ZNF91: variants seen among roughly 807,000 people sequenced by gnomAD.
ZNF91 encodes the protein zinc finger protein 91.
ZNF91 carries 7 observed loss-of-function variants against 12.6 expected under a neutral mutation model. The observed-to-expected ratio is 0.55, with a 90% CI of 0.31 to 1.04. The LOEUF is 1.04. Among genes scored for constraint, ZNF91 ranks in the 50% least tolerant of loss-of-function variants. The probability of loss-of-function intolerance (pLI) is 0.05; values close to 1 mark genes in which losing one functional copy is unlikely to be tolerated. For missense variants in ZNF91, 1,217 were observed against 1,385.4 expected, an observed-to-expected ratio of 0.88 and a Z score of 1.93; for synonymous variants, 453 against 462.6, an observed-to-expected ratio of 0.98 and a Z score of 0.27.
At chr19:23,342,353 T>C in intron 3 of ZNF91, 1 of 344,034 alleles carries the variant, frequency 2.9e-6, no homozygotes, top group South Asian at 1.5e-4. Flanking sequence ...GAGAATATTA[T>C]GAAAGATTCT....
At chr19:23,348,460 C>T (rs1443068421) in intron 3 of ZNF91, among the ~76,000 whole-genome samples, 1 of 152,196 alleles carries the variant, frequency 6.6e-6, no homozygotes, top group Non-Finnish European at 1.5e-5. Context: ...ACATTTATCA[C>T]TTCCCCAATC....
At chr19:23,344,010 A>T (rs1330240603) in intron 3 of ZNF91, among the ~76,000 whole-genome samples, 1 of 152,200 alleles carries the variant, frequency 6.6e-6, no homozygotes, top group Non-Finnish European at 1.5e-5. Context: ...AATAAAATGG[A>T]CAGATTGGCA....
At chr19:23,386,089 T>C (rs950049262) in intron 1 of ZNF91, among the ~76,000 whole-genome samples, 1 of 151,928 alleles carries the variant, frequency 6.6e-6, no homozygotes, top group African/African-American at 2.4e-5. Context: ...TAATAAAATA[T>C]CTAAGAATAC....
At chr19:23,308,127 T>G (rs1315071960) in intron 2 of ZNF91, 2 of 152,196 alleles carry the variant, frequency 1.3e-5, no homozygotes, top group Non-Finnish European at 2.9e-5. Flanking sequence ...TTTTTTTGCC[T>G]GGGCCCTGCA....
At position 23,352,478 on chromosome 19, in the gene ZNF91, CA is replaced by C. The variant is rs1211573432; in HGVS notation, c.254-13425del. ...CAACCTGGTAGTGGTAGACAAAGAA[CA>C]TATAATCTTGGGAGTCACACCACTG... On this transcript the variant is annotated intron_variant, in intron 3 of 3. Coordinates refer to the ZNF91 transcript ENST00000599743. Among the ~76,000 whole-genome samples the C allele has an allele frequency of 4.0e-3, 613 of 152,168 alleles. 9 individuals carry two copies. The highest frequency in any genetic ancestry group is 0.014 in the African/African-American group (589 of 41,524).
At chr19:23,330,647 T>C (rs1967912688) in intron 1 of ZNF91, among the ~76,000 whole-genome samples, 1 of 152,074 alleles carries the variant, frequency 6.6e-6, no homozygotes, top group Admixed American at 6.5e-5. Flanking sequence ...ATGGACACCA[T>C]GCTTTATTCC....
chr19:23,392,266 A>T (rs1020574826), intron 1 of ZNF91, among the ~76,000 whole-genome samples: 1 of 151,390 alleles, frequency 6.6e-6, no homozygotes, highest in African/African-American at 2.4e-5. Flanking sequence ...CGTTGTGGCA[A>T]GCGCCTGTAA....
intron 1 of ZNF91, among the ~76,000 whole-genome samples, chr19:23,379,173 T>A (rs1036757433): frequency 9.2e-5 from 14 of 152,170 alleles, no homozygotes; most frequent in African/African-American, 3.4e-4. Flanking sequence ...CAAGAGAGAC[T>A]CAGGCTGATT....
intron 3 of ZNF91, chr19:23,340,098 T>G (rs1968091569): frequency 6.6e-6 from 1 of 151,786 alleles, no homozygotes; most frequent in South Asian, 2.1e-4. Flanking sequence ...AATAGAAAGC[T>G]TACATATTAA....
chr19:23,316,957 C>T (rs1967573388), intron 1 of ZNF91, among the ~76,000 whole-genome samples: 1 of 152,146 alleles, frequency 6.6e-6, no homozygotes, highest in Admixed American at 6.5e-5. Flanking sequence ...TCGACACAGA[C>T]CACAGCTGGA....
At chr19:23,314,442 A>T (rs1306089210), upstream of ZNF91, among the ~76,000 whole-genome samples, 5 of 152,140 alleles carry the variant, frequency 3.3e-5, no homozygotes, top group Non-Finnish European at 7.3e-5. Flanking sequence ...CATAAAGACA[A>T]GAGATACACA....
intron 1 of ZNF91, among the ~76,000 whole-genome samples, chr19:23,309,918 G>A (rs993976749): frequency 7.9e-5 from 12 of 152,128 alleles, no homozygotes; most frequent in African/African-American, 2.9e-4. Context: ...ACACATGGAT[G>A]AAGCCCACTG....
rs144707892 is a variant in ZNF91 at position 23,384,902 on chromosome 19, C to T, written c.31-10138G>A. 80 of 768,736 alleles carry T rather than the reference C, an allele frequency of 1.0e-4. 2 individuals are homozygous for T. Among genetic ancestry groups the T allele is most frequent in the Middle Eastern group, 9.2e-4 (4 of 4,340 alleles). The allele number at this position is 768,736 out of a possible 1,614,324, so 47.6% of individuals were successfully genotyped here. On this transcript the variant is annotated intron_variant, in intron 1 of 3. Transcript: ENST00000300619. ...GCTCTCATGTTGCTCTTATTGTCAC[C>T]GGTGAACTTTAATTCCAAACAGGAG...
At chr19:23,346,730 T>C (rs1179768690) in intron 3 of ZNF91, among the ~76,000 whole-genome samples, 1 of 152,200 alleles carries the variant, frequency 6.6e-6, no homozygotes, top group African/African-American at 2.4e-5. Flanking sequence ...AGATGGCCTG[T>C]CTGCCTCTGA....
chr19:23,392,605 C>G (rs1248798171), intron 1 of ZNF91, among the ~76,000 whole-genome samples: 2 of 151,290 alleles, frequency 1.3e-5, no homozygotes, highest in East Asian at 2.0e-4. Context: ...CATCCTGGGC[C>G]ACATGGTGAA....
chr19:23,363,712 AAG>A (rs1027754522), intron 3 of ZNF91, among the ~76,000 whole-genome samples: 3 of 152,218 alleles, frequency 2.0e-5, no homozygotes, highest in African/African-American at 7.2e-5. Flanking sequence ...GAAACCATAA[AAG>A]AGATGTATAC....
intron 3 of ZNF91, among the ~76,000 whole-genome samples, chr19:23,368,841 TTAAAA>T (rs1042931483): frequency 2.8e-4 from 42 of 151,776 alleles, no homozygotes; most frequent in African/African-American, 9.9e-4. Context: ...AAATAAATAA[TTAAAA>T]TAAATTTTCA....
intron 3 of ZNF91, among the ~76,000 whole-genome samples, chr19:23,347,043 T>C (rs1271131888): frequency 6.6e-6 from 1 of 151,998 alleles, no homozygotes; most frequent in Non-Finnish European, 1.5e-5. Context: ...AGATGCCTCT[T>C]TACTTGGTTT....
intron 3 of ZNF91, chr19:23,342,335 AGAGAG>A: frequency 2.8e-6 from 1 of 358,704 alleles, no homozygotes; most frequent in Non-Finnish European, 5.0e-6. Flanking sequence ...TATGTTCAGT[AGAGAG>A]GAGAGAATAT....
Sources: allele counts gnomAD v4.1 joint callset (sites outside exome capture counted in the v4.1 genomes callset), GRCh38; gene constraint gnomAD v4.1.1; transcripts MANE v1.5; gene names NCBI Gene and HGNC (gene_info 2026-07-23, HGNC 2026-07-21).